The following SLC4A8 variants were observed in gnomAD, a reference collection of about 807,000 sequenced individuals.
The protein encoded by SLC4A8 is solute carrier family 4 member 8.
SLC4A8 carries 40 observed loss-of-function variants against 125.0 expected under a neutral mutation model. That is an observed-to-expected ratio of 0.32 (90% CI 0.25 to 0.42). SLC4A8 has a LOEUF of 0.42. SLC4A8 is among the 10% of genes least tolerant of loss of function. The pLI is 1.00. For missense variants in SLC4A8, 863 were observed against 1,355.1 expected, an observed-to-expected ratio of 0.64 and a Z score of 5.70; for synonymous variants, 456 against 476.0, an observed-to-expected ratio of 0.96 and a Z score of 0.55.
upstream of SLC4A8, chr12:51,422,092 ATTAATAG>A (rs773976210): frequency 4.6e-5 from 7 of 152,224 alleles, no homozygotes; most frequent in Non-Finnish European, 8.8e-5. Context: ...AGTGTTTTGA[ATTAATAG>A]ATGAATGATG....
At chr12:51,426,232 T>C (rs1948972439) in intron 1 of SLC4A8, among the ~76,000 whole-genome samples, 1 of 152,212 alleles carries the variant, frequency 6.6e-6, no homozygotes, top group Non-Finnish European at 1.5e-5. Flanking sequence ...TAATAGAAGA[T>C]ACATCCTTCT....
At chr12:51,450,785 AT>A in intron 2 of SLC4A8, 90 bp from the exon 3 acceptor site, 4 of 1,401,872 alleles carry the variant, frequency 2.9e-6, no homozygotes, top group South Asian at 1.2e-5. Context: ...GAACTGTGAT[AT>A]TTTTTTCTCT....
intron 9 of SLC4A8, chr12:51,462,067 A>G (rs984794884): frequency 1.1e-5 from 5 of 465,584 alleles, no homozygotes; most frequent in Admixed American, 3.8e-5. Context: ...CTTTAGACTC[A>G]TGTCTTATCT....
At chr12:51,409,775 G>A (rs570695094) in intron 1 of SLC4A8, among the ~76,000 whole-genome samples, 3 of 152,236 alleles carry the variant, frequency 2.0e-5, no homozygotes, top group African/African-American at 7.2e-5. Flanking sequence ...TGTAAGTCTG[G>A]CTGCTCGCTG....
In SLC4A8 at chr12:51,470,451, G is replaced by C. The variant is rs372831896; in HGVS notation, c.1584G>C (p.Ala528=). The part of the protein sequence containing the change: ...SMTGIAYSLF[A]GQALTILGST... Reference sequence around the variant, plus strand: ...CTGGGATTGCTTATTCCTTGTTTGCGGGACAGGCTCTCACCATCCTGGGAA... The same window carrying C: ...CTGGGATTGCTTATTCCTTGTTTGCCGGACAGGCTCTCACCATCCTGGGAA... Residue 528 remains alanine (A), a synonymous_variant, in exon 13 of 25, where the codon GCG becomes GCC. Transcript: ENST00000453097. The C allele has an allele frequency of 1.2e-6, 2 of 1,613,538 alleles. No homozygotes were observed. The highest frequency in any genetic ancestry group is 1.7e-6 in the Non-Finnish European group (2 of 1,179,644).
At chr12:51,417,239 G>A (rs1013243259) in intron 1 of SLC4A8, among the ~76,000 whole-genome samples, 10 of 152,136 alleles carry the variant, frequency 6.6e-5, no homozygotes, top group Admixed American at 5.9e-4. Context: ...GCAGTGGCAC[G>A]ATCACAGCTC....
intron 19 of SLC4A8, among the ~76,000 whole-genome samples, 168 bp downstream of exon 19, chr12:51,490,119 A>G (rs1951269859): frequency 6.6e-6 from 1 of 152,240 alleles, no homozygotes; most frequent in African/African-American, 2.4e-5. Context: ...TAAGAAAATT[A>G]GTTAAGAAAC....
intron 9 of SLC4A8, chr12:51,461,501 T>C (rs1272700074): frequency 9.4e-6 from 4 of 425,408 alleles, no homozygotes; most frequent in Non-Finnish European, 8.4e-6. Flanking sequence ...CTTTTTTGAG[T>C]AATCAAGAAT....
chr12:51,394,266 A>G (rs1948216983), intron 1 of SLC4A8, among the ~76,000 whole-genome samples: 1 of 152,144 alleles, frequency 6.6e-6, no homozygotes, highest in Non-Finnish European at 1.5e-5. Context: ...GAAGCAAATT[A>G]CTCATCTGAT....
At chr12:51,396,634 G>A (rs1392737311) in intron 1 of SLC4A8, among the ~76,000 whole-genome samples, 4 of 150,510 alleles carry the variant, frequency 2.7e-5, no homozygotes, top group African/African-American at 7.4e-5. Context: ...CTTGAGCGCA[G>A]GAGTTTAAGA....
rs1286681106 is a variant in SLC4A8 at position 51,511,416 on chromosome 12, G to C, written c.*3978G>C. On this transcript the variant is annotated 3_prime_UTR_variant, in exon 25 of 25. Coordinates refer to ENST00000453097, the MANE Select transcript of SLC4A8 (RefSeq NM_001039960.3). The stretch of plus-strand genomic sequence containing the variant: ...TAATATATATTTTTTTTGAGACAAA[G>C]TCTCACTCTGTCGCCCAGGCTGGAG... 2 of 152,102 alleles carry C rather than the reference G, an allele frequency of 1.3e-5. No individual in the cohort carries two copies. Among genetic ancestry groups the C allele is most frequent in the African/African-American group, 4.8e-5 (2 of 41,406 alleles). 9.4% of individuals were successfully genotyped at this position (152,102 alleles called of 1,614,324 possible). A position where few individuals can be genotyped will look rare whatever the true frequency, so the allele number is the denominator to read the frequency against.
chr12:51,418,610 G>T (rs1183942591), intron 1 of SLC4A8, among the ~76,000 whole-genome samples: 3 of 152,184 alleles, frequency 2.0e-5, no homozygotes, highest in Admixed American at 1.3e-4. Flanking sequence ...AAGGGCTAAA[G>T]AACTCTGCCT....
chr12:51,450,189 T>C (rs1043400911), intron 2 of SLC4A8, among the ~76,000 whole-genome samples: 2 of 152,140 alleles, frequency 1.3e-5, no homozygotes, highest in Non-Finnish European at 2.9e-5. Flanking sequence ...TTAGTACTGT[T>C]CTAGATTGTG....
At position 51,512,834 on chromosome 12, in the gene SLC4A8, A is replaced by C. The variant is rs1384747191; in HGVS notation, c.*5396A>C. ...CTCTGATAAGAGTAATTTGAGAACA[A>C]ATACAGATTCATCTATGGGAAAAGA... is the stretch of plus-strand genomic sequence containing the variant. On this transcript the variant is annotated 3_prime_UTR_variant, in exon 25 of 25. Transcript: ENST00000453097. The C allele has an allele frequency of 6.6e-6, 1 of 152,226 alleles. No homozygotes were observed. The highest frequency in any genetic ancestry group is 1.5e-5 in the Non-Finnish European group (1 of 68,036). 9.4% of individuals were successfully genotyped at this position (152,226 alleles called of 1,614,324 possible).
At chr12:51,428,908 T>C (rs1293553443) in intron 1 of SLC4A8, among the ~76,000 whole-genome samples, 2 of 152,162 alleles carry the variant, frequency 1.3e-5, no homozygotes, top group Non-Finnish European at 2.9e-5. Context: ...TTTATTTTTA[T>C]TTTTATTTTT....
At chr12:51,455,536 A>G (rs1950120423) in intron 5 of SLC4A8, among the ~76,000 whole-genome samples, 2 of 152,156 alleles carry the variant, frequency 1.3e-5, no homozygotes, top group African/African-American at 2.4e-5. Context: ...TGTGAAGGGG[A>G]GATATCTGAT....
chr12:51,419,696 T>C (rs973993993), intron 1 of SLC4A8, among the ~76,000 whole-genome samples: 1 of 152,180 alleles, frequency 6.6e-6, no homozygotes, highest in Non-Finnish European at 1.5e-5. Context: ...CCTCTAGAGG[T>C]CCCTTCCCCT....
At chr12:51,472,359 G>A (rs1172361181) in intron 14 of SLC4A8, among the ~76,000 whole-genome samples, 3 of 152,032 alleles carry the variant, frequency 2.0e-5, no homozygotes, top group Non-Finnish European at 2.9e-5. Context: ...AGGCATCTGC[G>A]GACCAGCGAC....
At chr12:51,396,915 G>A (rs187053317) in intron 1 of SLC4A8, among the ~76,000 whole-genome samples, 1 of 144,146 alleles carries the variant, frequency 6.9e-6, no homozygotes, top group East Asian at 2.0e-4. Context: ...TTTTACTTCA[G>A]CCTTAGTTAA....
Sources: gnomAD v4.1 joint callset for allele counts (sites outside exome capture counted in the v4.1 genomes callset) on GRCh38, gnomAD v4.1.1 for gene constraint, MANE v1.5 for transcripts, NCBI Gene and HGNC (gene_info 2026-07-23, HGNC 2026-07-21) for gene names.